Variants in BAIAP2 observed in about 807,000 individuals in gnomAD.
BAIAP2 encodes BAR/IMD domain-containing adapter protein 2.
Under a neutral mutation model 63.0 loss-of-function variants are expected in BAIAP2, and 18 were observed. That is an observed-to-expected ratio of 0.29 (90% CI 0.20 to 0.42). The LOEUF is 0.42. BAIAP2 is among the 10% of genes least tolerant of loss of function. The pLI is 1.00. For missense variants in BAIAP2, 610 were observed against 734.3 expected, an observed-to-expected ratio of 0.83 and a Z score of 1.96; for synonymous variants, 386 against 307.6, an observed-to-expected ratio of 1.25 and a Z score of -2.67.
At chr17:81,057,673 G>T in intron 2 of BAIAP2, 2 of 1,369,142 alleles carry the variant, frequency 1.5e-6, no homozygotes, top group East Asian at 2.8e-5. Flanking sequence ...TACGAGTCAA[G>T]GGAGCTCTCA....
At chr17:81,070,948 C>G (rs887274854) in intron 3 of BAIAP2, among the ~76,000 whole-genome samples, 1 of 152,194 alleles carries the variant, frequency 6.6e-6, no homozygotes, top group African/African-American at 2.4e-5. Flanking sequence ...AAGGCAGCCT[C>G]GGCCTCTGCT....
rs4969367 is a variant in BAIAP2, at chr17:81,058,215, A to G, written c.217+248A>G. Among the ~76,000 whole-genome samples the G allele has an allele frequency of 0.81, 122,570 of 152,132 alleles. 49,713 individuals carry two copies. Among genetic ancestry groups the G allele is most frequent in the East Asian group, 0.9 (4,644 of 5,164 alleles). On this transcript the variant is annotated intron_variant, in intron 3 of 13. Coordinates refer to ENST00000428708, the MANE Select transcript of BAIAP2 (RefSeq NM_001144888.2). ...GACAGCAGGCAAACCCACGTTTAAA[A>G]GTGTTCCCGGCAAATTGGAGCGGCT...
At chr17:81,040,567 A>G (rs11150765) in intron 1 of BAIAP2, among the ~76,000 whole-genome samples, 139,094 of 152,370 alleles carry the variant, frequency 0.91, 63,564 homozygotes, top group African/African-American at 0.95. Flanking sequence ...TCCTTTGGGC[A>G]TGGAACGGCG....
intron 6 of BAIAP2, among the ~76,000 whole-genome samples, chr17:81,095,497 G>A (rs2057469730): frequency 6.6e-6 from 1 of 152,186 alleles, no homozygotes; most frequent in South Asian, 2.1e-4. Flanking sequence ...CTCTGTATGA[G>A]GAGTCAGTGT....
chr17:81,085,060 G>A (rs1568136853), intron 4 of BAIAP2, 167 bp downstream of exon 4: 3 of 715,544 alleles, frequency 4.2e-6, no homozygotes, highest in East Asian at 2.7e-5. Context: ...GAAGGAGGAC[G>A]TCGGAGAAAA....
In BAIAP2 at chr17:81,035,162, C is replaced by G; in HGVS notation, c.-93C>G. 9.3e-7 allele frequency: 1 copy of G among 1,080,990 alleles called. No homozygotes were observed. The highest frequency in any genetic ancestry group is 1.3e-6 in the Non-Finnish European group (1 of 791,870). The allele number at this position is 1,080,990 out of a possible 1,614,324, so 67.0% of individuals were successfully genotyped here. Reference sequence around the variant, plus strand: ...GGACGCCGGGCTCTGTGGTTCGGGTCCGCTTTCGTCTCCGTCCTGCTGCCG... The same window carrying G: ...GGACGCCGGGCTCTGTGGTTCGGGTGCGCTTTCGTCTCCGTCCTGCTGCCG... On this transcript the variant is annotated 5_prime_UTR_variant, in exon 1 of 14. Coordinates refer to ENST00000428708, the MANE Select transcript of BAIAP2 (RefSeq NM_001144888.2).
intron 3 of BAIAP2, among the ~76,000 whole-genome samples, chr17:81,063,204 G>A (rs1039046710): frequency 6.6e-5 from 10 of 152,104 alleles, no homozygotes; most frequent in South Asian, 2.1e-4. Flanking sequence ...GGTCTGGAGC[G>A]TATGAGGGGG....
At chr17:81,091,073 C>CACTTGTGTGCCCCG (rs1314076142) in intron 6 of BAIAP2, among the ~76,000 whole-genome samples, 2 of 125,424 alleles carry the variant, frequency 1.6e-5, no homozygotes, top group African/African-American at 2.6e-5. Flanking sequence ...GACCCGCCCC[C>CACTTGTGTGCCCCG]ACTTGTGTGC....
chr17:81,040,502 G>A (rs1357119785), intron 1 of BAIAP2, among the ~76,000 whole-genome samples: 1 of 152,278 alleles, frequency 6.6e-6, no homozygotes, highest in African/African-American at 2.4e-5. Context: ...GGCCGAGAAG[G>A]GACCCGTTTG....
At chr17:81,089,162 C>T (rs58002892) in intron 6 of BAIAP2, among the ~76,000 whole-genome samples, 32,403 of 152,268 alleles carry the variant, frequency 0.21, 4,023 homozygotes, top group East Asian at 0.49. Context: ...GGAAGACCTT[C>T]TCCTTGCTGA....
chr17:81,039,290 G>A (rs1278254149), intron 1 of BAIAP2, among the ~76,000 whole-genome samples: 2 of 152,234 alleles, frequency 1.3e-5, no homozygotes, highest in African/African-American at 4.8e-5. Context: ...TTTGGCCCCA[G>A]GCACTGTCCT....
chr17:81,108,205 T>G, intron 12 of BAIAP2: 1 of 565,578 alleles, frequency 1.8e-6, no homozygotes. Flanking sequence ...CTTGCATCTG[T>G]TTGGGAGTGT....
intron 6 of BAIAP2, chr17:81,098,121 C>T: frequency 3.5e-6 from 5 of 1,412,384 alleles, no homozygotes; most frequent in Non-Finnish European, 3.7e-6. Flanking sequence ...GGGAGGCATG[C>T]TCCTCCCAGA....
At chr17:81,110,322 G>A (rs777433473) in intron 13 of BAIAP2, 20 of 986,036 alleles carry the variant, frequency 2.0e-5, no homozygotes, top group Admixed American at 6.1e-5. Context: ...CGGCGTTCCC[G>A]CTCCGCTAAA....
At chr17:81,047,050 G>C (rs1422073442) in intron 1 of BAIAP2, among the ~76,000 whole-genome samples, 1 of 151,984 alleles carries the variant, frequency 6.6e-6, no homozygotes, top group Non-Finnish European at 1.5e-5. Context: ...GTCCGTGGGC[G>C]AGGGAGTGGG....
Position 81,097,911 on chromosome 17 carries a change from T to C in BAIAP2, c.490-2017T>C, listed in dbSNP as rs373607000. Among the ~76,000 whole-genome samples, 5 of 152,278 alleles carry C rather than the reference T, an allele frequency of 3.3e-5. No individual in the cohort carries two copies. In the South Asian group the frequency reaches 6.2e-4, roughly 19 times the overall value. ...CATCAGCGTTTTGGGATGGAAAGTT[T>C]CCAGCCTACAAAACCGGAGAGCCCT... On this transcript the variant is annotated intron_variant, in intron 6 of 13. Coordinates refer to ENST00000428708, the MANE Select transcript of BAIAP2 (RefSeq NM_001144888.2).
At chr17:81,082,975 A>C (rs908427918) in intron 3 of BAIAP2, 1 of 152,348 alleles carries the variant, frequency 6.6e-6, no homozygotes, top group Admixed American at 6.5e-5. Flanking sequence ...TCTGTGAAGC[A>C]CCTGGCCCTG....
At chr17:81,072,946 C>T (rs1456141096) in intron 3 of BAIAP2, among the ~76,000 whole-genome samples, 1 of 152,086 alleles carries the variant, frequency 6.6e-6, no homozygotes, top group African/African-American at 2.4e-5. Context: ...CGGGTACAAA[C>T]ATGCACGCTT....
intron 3 of BAIAP2, among the ~76,000 whole-genome samples, chr17:81,081,248 G>A (rs1042016416): frequency 2.0e-5 from 3 of 152,188 alleles, no homozygotes; most frequent in Non-Finnish European, 4.4e-5. Context: ...GAATTTATAG[G>A]ATGCCAAAGA....
Sources: allele counts gnomAD v4.1 joint callset (sites outside exome capture counted in the v4.1 genomes callset), GRCh38; gene constraint gnomAD v4.1.1; transcripts MANE v1.5; gene names NCBI Gene and HGNC (gene_info 2026-07-23, HGNC 2026-07-21).